The following DUSP10 variants were observed in gnomAD, a reference collection of about 807,000 sequenced individuals.
The protein encoded by DUSP10 is dual specificity phosphatase 10.
DUSP10 carries 14 observed loss-of-function variants against 30.8 expected under a neutral mutation model. The ratio of observed to expected loss-of-function variants is 0.46; its 90% CI spans 0.30 to 0.71. DUSP10 has a LOEUF of 0.71. Ranked by LOEUF, DUSP10 falls within the 30% of genes least tolerant of loss-of-function variation. The pLI is 0.08. For missense variants in DUSP10, 550 were observed against 619.4 expected, an observed-to-expected ratio of 0.89 and a Z score of 1.19; for synonymous variants, 254 against 250.4, an observed-to-expected ratio of 1.01 and a Z score of -0.14.
chr1:221,702,084 C>T lies in DUSP10; in HGVS notation c.*328G>A, dbSNP rs1660622388. On this transcript the variant is annotated 3_prime_UTR_variant, in exon 4 of 4. Transcript: ENST00000366899. This position sits in a 1 kb window ranked among gnomAD's most constrained non-coding sequence, Gnocchi z 4.5. ...GTGTGTAGTATCTTCGGTCTATGAA[C>T]CTGCACAGACTATTTAGTCATAAAC... 1 of 266,330 alleles carries T rather than the reference C, an allele frequency of 3.8e-6. No homozygotes were observed. Among genetic ancestry groups the T allele is most frequent in the Non-Finnish European group, 7.2e-6 (1 of 138,148 alleles). 16.5% of individuals were successfully genotyped at this position (266,330 alleles called of 1,614,324 possible).
chr1:221,724,825 G>A (rs1158965499), intron 2 of DUSP10, among the ~76,000 whole-genome samples: 4 of 152,138 alleles, frequency 2.6e-5, no homozygotes, highest in African/African-American at 9.7e-5. Context: ...ACATCAAATA[G>A]CCACTCTATT....
Position 221,701,634 on chromosome 1 carries a change from T to A in DUSP10, c.*778A>T, listed in dbSNP as rs1005782702. 1 of 150,728 alleles carries A rather than the reference T, an allele frequency of 6.6e-6. No individual in the cohort carries two copies. The highest frequency in any genetic ancestry group is 1.5e-5 in the Non-Finnish European group (1 of 67,620). 9.3% of individuals were successfully genotyped at this position (150,728 alleles called of 1,614,324 possible). On this transcript the variant is annotated 3_prime_UTR_variant, in exon 4 of 4. Transcript: ENST00000366899. ...AAGGTGGGAAGGAAAGTATTTGATA[T>A]ATTGTTGAATTCCTTTCTATCTCCA... is the stretch of plus-strand genomic sequence containing the variant.
At chr1:221,723,334 C>G (rs1661332541) in intron 2 of DUSP10, among the ~76,000 whole-genome samples, 1 of 152,184 alleles carries the variant, frequency 6.6e-6, no homozygotes. Context: ...CAGAGATAAG[C>G]AAGTTAAGCT....
Position 221,739,617 on chromosome 1 carries a change from G to T in DUSP10, c.128C>A (p.Pro43His), listed in dbSNP as rs148146409. ...CACAACGGTGGTGGCGATGACAGGA[G>T]GGTGGCTGTTACTGCCTGGGTTGGC... Reference protein sequence around the residue: ...GSANPGSNSHPPVIATTVVSL... With the variant: ...GSANPGSNSHHPVIATTVVSL... Residue 43 changes from proline (P) to histidine (H), a missense_variant, in exon 2 of 4, where the codon CCT becomes CAT. Coordinates refer to ENST00000366899, the MANE Select transcript of DUSP10 (RefSeq NM_007207.6). 360 of 1,614,174 alleles carry T rather than the reference G, an allele frequency of 2.2e-4. No individual in the cohort carries two copies. Among genetic ancestry groups the T allele is most frequent in the Middle Eastern group, 1.6e-3 (10 of 6,062 alleles).
chr1:221,705,870 A>G (rs1330569538), intron 3 of DUSP10, among the ~76,000 whole-genome samples: 3 of 152,192 alleles, frequency 2.0e-5, no homozygotes, highest in Non-Finnish European at 4.4e-5. Flanking sequence ...ACAGATCCCA[A>G]CAAATTCAAT....
intron 2 of DUSP10, among the ~76,000 whole-genome samples, chr1:221,707,471 G>A (rs1660801456): frequency 6.6e-6 from 1 of 152,166 alleles, no homozygotes; most frequent in Non-Finnish European, 1.5e-5. Context: ...TGAGCTTACG[G>A]CTCTGCTCTG....
intron 3 of DUSP10, among the ~76,000 whole-genome samples, chr1:221,705,541 C>T (rs1039187950): frequency 1.3e-5 from 2 of 152,162 alleles, no homozygotes; most frequent in African/African-American, 4.8e-5. Flanking sequence ...GGAACTACTC[C>T]GTCTACACAA....
intron 1 of DUSP10, among the ~76,000 whole-genome samples, chr1:221,741,284 A>G (rs1443103550): frequency 6.6e-6 from 1 of 152,196 alleles, no homozygotes; most frequent in Non-Finnish European, 1.5e-5. Context: ...CCAAGCGGTG[A>G]AAGTCTTTGC....
chr1:221,735,808 G>A (rs1019844419), intron 2 of DUSP10, among the ~76,000 whole-genome samples: 3 of 152,180 alleles, frequency 2.0e-5, no homozygotes, highest in African/African-American at 7.2e-5. Flanking sequence ...AAACTTTATA[G>A]CAAAAACGGT....
In DUSP10 at chr1:221,706,151, G is replaced by A. The variant is rs766354627; in HGVS notation, c.1127C>T (p.Thr376Ile). The A allele has an allele frequency of 6.2e-7, 1 of 1,614,204 alleles. No individual in the cohort carries two copies. Among genetic ancestry groups the A allele is most frequent in the East Asian group, 2.2e-5 (1 of 44,878 alleles). Residue 376 changes from threonine to isoleucine, a missense_variant, in exon 3 of 4, where the codon ACT (threonine) becomes ATT (isoleucine). Physicochemically the swap from Thr to Ile is moderately conservative, Grantham distance 89 (BLOSUM62 -1). Transcript: ENST00000366899. This position sits in a 1 kb window ranked among gnomAD's most constrained non-coding sequence, Gnocchi z 4.6. Reference protein sequence around the residue: ...GLFNYKRLPATDSNKQNLRQY... With the variant: ...GLFNYKRLPAIDSNKQNLRQY... ...CCGCAGGTTCTGCTTGTTGCTGTCA[G>A]TGGCTGGCAGCCGCTTGTAGTTGAA...
chr1:221,721,189 A>G (rs1282392440), intron 2 of DUSP10, among the ~76,000 whole-genome samples: 2 of 152,236 alleles, frequency 1.3e-5, no homozygotes, highest in Non-Finnish European at 2.9e-5. Flanking sequence ...TCTGAATTGT[A>G]TATAGTAAGT....
chr1:221,703,522 G>A (rs1201143249), intron 3 of DUSP10, among the ~76,000 whole-genome samples: 1 of 152,184 alleles, frequency 6.6e-6, no homozygotes, highest in African/African-American at 2.4e-5. Flanking sequence ...TATACAGGCC[G>A]AGGGTGTCAC....
intron 2 of DUSP10, among the ~76,000 whole-genome samples, chr1:221,736,130 C>T (rs1425238564): frequency 6.6e-6 from 1 of 152,086 alleles, no homozygotes; most frequent in Non-Finnish European, 1.5e-5. Context: ...CGGTTTCTTC[C>T]CAACCTGACA....
chr1:221,741,260 G>A (rs1019426949), intron 1 of DUSP10, among the ~76,000 whole-genome samples: 11 of 152,196 alleles, frequency 7.2e-5, no homozygotes, highest in Non-Finnish European at 1.6e-4. Context: ...AGCTATAACT[G>A]TTTCCCGGTT....
At chr1:221,737,412 C>A (rs1661810486) in intron 2 of DUSP10, 1 of 985,152 alleles carries the variant, frequency 1.0e-6, no homozygotes, top group South Asian at 4.7e-5. Flanking sequence ...TATGGTAAGA[C>A]AATAGCAGGG....
chr1:221,704,775 C>T (rs1660706401), intron 3 of DUSP10, among the ~76,000 whole-genome samples: 1 of 152,164 alleles, frequency 6.6e-6, no homozygotes, highest in African/African-American at 2.4e-5. Flanking sequence ...GTTCAGTGAT[C>T]ACCCTGAATT....
In DUSP10 at chr1:221,702,216, G is replaced by T; in HGVS notation, c.*196C>A. ...AACCTCCTTAATTTGTCAGTTTGTG[G>T]GAGGTGAATCTCAATGGCATCAAAA... On this transcript the variant is annotated 3_prime_UTR_variant, in exon 4 of 4. Transcript: ENST00000366899. The surrounding 1 kb of genome is among the most constrained non-coding windows in gnomAD (Gnocchi z 4.5). 1.7e-6 allele frequency: 1 copy of T among 588,906 alleles called. No homozygotes were observed. The allele number at this position is 588,906 out of a possible 1,614,324, so 36.5% of individuals were successfully genotyped here. A position where few individuals can be genotyped will look rare whatever the true frequency, so the allele number is the denominator to read the frequency against.
At chr1:221,741,635 C>G (rs570242365) in intron 1 of DUSP10, among the ~76,000 whole-genome samples, 1 of 152,078 alleles carries the variant, frequency 6.6e-6, no homozygotes, top group East Asian at 1.9e-4. Flanking sequence ...CATCCCCCCG[C>G]CCCCCGCTTC....
chr1:221,738,730 A>T (rs1392219908), intron 2 of DUSP10, among the ~76,000 whole-genome samples: 1 of 152,244 alleles, frequency 6.6e-6, no homozygotes, highest in Non-Finnish European at 1.5e-5. Context: ...GAAGGGTAGA[A>T]CCCAGATCTT....
Sources: gnomAD v4.1 joint callset for allele counts (sites outside exome capture counted in the v4.1 genomes callset) on GRCh38, gnomAD v4.1.1 for gene constraint, Gnocchi (gnomAD v3.1) non-coding constraint, MANE v1.5 for transcripts, NCBI Gene and HGNC (gene_info 2026-07-23, HGNC 2026-07-21) for gene names.